Variants in PPM1H observed in about 807,000 individuals in gnomAD.
PPM1H encodes the protein protein phosphatase 1H.
In PPM1H, 27 loss-of-function variants were observed where a neutral mutation model predicts 54.9. The observed-to-expected ratio is 0.49, with a 90% CI of 0.36 to 0.68. PPM1H has a LOEUF of 0.68. Among genes scored for constraint, PPM1H ranks in the 30% least tolerant of loss-of-function variants. PPM1H has a pLI of 0.00. For synonymous variants in PPM1H, 305 were observed against 270.8 expected (o/e 1.13, Z -1.24); for missense variants, 596 against 667.8 (o/e 0.89, Z 1.19).
intron 1 of PPM1H, among the ~76,000 whole-genome samples, chr12:62,856,171 G>C (rs991838302): frequency 2.6e-5 from 4 of 152,206 alleles, no homozygotes; most frequent in African/African-American, 4.8e-5. Context: ...ACTCTCTGCA[G>C]ATCTCCAGAA....
At chr12:62,663,270 A>G (rs550273673) in intron 9 of PPM1H, among the ~76,000 whole-genome samples, 4 of 152,098 alleles carry the variant, frequency 2.6e-5, no homozygotes, top group Non-Finnish European at 5.9e-5. Flanking sequence ...TTAAAACACA[A>G]ATGGTTGGTC....
intron 5 of PPM1H, chr12:62,720,680 G>A (rs573815427): frequency 1.1e-5 from 2 of 180,650 alleles, no homozygotes; most frequent in South Asian, 1.2e-4. Flanking sequence ...TGGTTATCAC[G>A]GCCTTGCCTT....
intron 7 of PPM1H, among the ~76,000 whole-genome samples, chr12:62,692,956 C>CACACACAA (rs2076091160): frequency 1.3e-5 from 2 of 151,792 alleles, no homozygotes; most frequent in South Asian, 4.2e-4. Context: ...CACACACACA[C>CACACACAA]ACACACACTC....
At chr12:62,728,763 G>T (rs2076303984) in intron 5 of PPM1H, among the ~76,000 whole-genome samples, 1 of 152,150 alleles carries the variant, frequency 6.6e-6, no homozygotes, top group Admixed American at 6.6e-5. Flanking sequence ...CGGAAGCAGG[G>T]AACTCAGACC....
At chr12:62,765,339 G>A (rs1050366682) in intron 4 of PPM1H, among the ~76,000 whole-genome samples, 13 of 152,184 alleles carry the variant, frequency 8.5e-5, no homozygotes, top group African/African-American at 2.9e-4. Context: ...GGCATAAGGA[G>A]AGTGTGTTTC....
At chr12:62,658,254 A>T (rs2075858808) in intron 9 of PPM1H, among the ~76,000 whole-genome samples, 1 of 145,870 alleles carries the variant, frequency 6.9e-6, no homozygotes, top group Non-Finnish European at 1.5e-5. Context: ...GGGGAAATGA[A>T]GCTCTAGAGC....
intron 1 of PPM1H, among the ~76,000 whole-genome samples, chr12:62,901,655 G>T (rs1318717526): frequency 6.6e-6 from 1 of 152,110 alleles, no homozygotes; most frequent in Non-Finnish European, 1.5e-5. Flanking sequence ...TCTCTAAGTG[G>T]GACACATTCT....
intron 6 of PPM1H, among the ~76,000 whole-genome samples, chr12:62,717,567 T>G (rs978266808): frequency 1.3e-5 from 2 of 151,718 alleles, no homozygotes; most frequent in African/African-American, 4.8e-5. Context: ...GGATATAATC[T>G]AGTCCCTGAA....
chr12:62,736,827 T>C (rs926159687), intron 5 of PPM1H, among the ~76,000 whole-genome samples: 3 of 152,290 alleles, frequency 2.0e-5, no homozygotes, highest in South Asian at 2.1e-4. Flanking sequence ...CCTGGGATGA[T>C]TACCAGAGTC....
At chr12:62,829,978 C>A (rs1202963840) in intron 2 of PPM1H, among the ~76,000 whole-genome samples, 6 of 152,196 alleles carry the variant, frequency 3.9e-5, no homozygotes, top group African/African-American at 1.4e-4. Flanking sequence ...TTTCCAAGCC[C>A]TTTCCCATAA....
intron 4 of PPM1H, among the ~76,000 whole-genome samples, chr12:62,753,261 T>C (rs1477636640): frequency 6.6e-6 from 1 of 152,188 alleles, no homozygotes; most frequent in Non-Finnish European, 1.5e-5. Context: ...AATCAGTTAA[T>C]TTAGGTTGGC....
rs11349692 is a variant in PPM1H at position 62,659,269 on chromosome 12, C to CAAAAAAAAAAAAA, written c.1397+7896_1397+7908dup. 1.6e-3 allele frequency: 145 copies of CAAAAAAAAAAAAA among 91,512 alleles called. 2 individuals are homozygous for CAAAAAAAAAAAAA. The highest frequency in any genetic ancestry group is 3.4e-3 in the African/African-American group (76 of 22,586). 5.7% of individuals were successfully genotyped at this position (91,512 alleles called of 1,614,324 possible). A position where few individuals can be genotyped will look rare whatever the true frequency, so the allele number is the denominator to read the frequency against. On this transcript the variant is annotated intron_variant, in intron 9 of 9. Coordinates refer to ENST00000228705, the MANE Select transcript of PPM1H (RefSeq NM_020700.2). The stretch of plus-strand genomic sequence containing the variant: ...GTGTTCTAAAAAACCGTAAAAACTG[C>CAAAAAAAAAAAAA]AAAAAAAAAAAAAAAAAAAAAAGAG...
intron 6 of PPM1H, among the ~76,000 whole-genome samples, chr12:62,696,549 T>G (rs1398088185): frequency 6.6e-6 from 1 of 152,200 alleles, no homozygotes; most frequent in Non-Finnish European, 1.5e-5. Flanking sequence ...TTAAGTGGAC[T>G]TCCATCCATA....
chr12:62,881,290 A>G (rs960089821), intron 1 of PPM1H, among the ~76,000 whole-genome samples: 3 of 152,118 alleles, frequency 2.0e-5, no homozygotes, highest in African/African-American at 7.2e-5. Flanking sequence ...TCCAACATGA[A>G]TCTAGGTGCT....
intron 4 of PPM1H, among the ~76,000 whole-genome samples, chr12:62,776,132 TC>T (rs1233437314): frequency 6.6e-6 from 1 of 152,018 alleles, no homozygotes; most frequent in Non-Finnish European, 1.5e-5. Context: ...TCCCACCTGG[TC>T]CCCTCCCATG....
intron 1 of PPM1H, among the ~76,000 whole-genome samples, chr12:62,883,779 C>T (rs949297538): frequency 6.6e-6 from 1 of 152,102 alleles, no homozygotes; most frequent in Non-Finnish European, 1.5e-5. Flanking sequence ...TCAAAAATAC[C>T]TTGCCAGGAC....
intron 8 of PPM1H, among the ~76,000 whole-genome samples, chr12:62,674,544 C>T (rs1183597010): frequency 1.3e-5 from 2 of 152,220 alleles, no homozygotes; most frequent in African/African-American, 4.8e-5. Flanking sequence ...CAAGACTATA[C>T]CCAAATTCTC....
At chr12:62,841,640 C>T (rs1432165460) in intron 1 of PPM1H, among the ~76,000 whole-genome samples, 16 of 152,216 alleles carry the variant, frequency 1.1e-4, no homozygotes, top group South Asian at 2.1e-4. Flanking sequence ...CATAGTTACA[C>T]GTAATACATA....
intron 3 of PPM1H, among the ~76,000 whole-genome samples, chr12:62,794,176 T>C (rs2704758): frequency 0.089 from 13,615 of 152,242 alleles, 671 homozygotes; most frequent in South Asian, 0.15. Context: ...CGGCTGCTGG[T>C]GGAATCACAT....
Sources: allele counts gnomAD v4.1 joint callset (sites outside exome capture counted in the v4.1 genomes callset), GRCh38; gene constraint gnomAD v4.1.1; transcripts MANE v1.5; gene names NCBI Gene and HGNC (gene_info 2026-07-23, HGNC 2026-07-21).